The following SEMA4A variants were observed in gnomAD, a reference collection of about 807,000 sequenced individuals.
SEMA4A encodes semaphorin-4A.
Under a neutral mutation model 72.5 loss-of-function variants are expected in SEMA4A, and 52 were observed. The ratio of observed to expected loss-of-function variants is 0.72; its 90% CI spans 0.57 to 0.90. The LOEUF is 0.90. SEMA4A is among the 40% of genes least tolerant of loss of function. The pLI is 0.00. For synonymous variants in SEMA4A, 369 were observed against 393.1 expected (o/e 0.94, Z 0.73); for missense variants, 926 against 959.7 (o/e 0.96, Z 0.46).
upstream of SEMA4A, among the ~76,000 whole-genome samples, chr1:156,151,838 C>G (rs1303609579): frequency 5.7e-5 from 1 of 17,524 alleles, no homozygotes; most frequent in African/African-American, 1.3e-4. Flanking sequence ...CACTTCGTCT[C>G]AAAAAAAAAA....
chr1:156,161,175 C>G (rs1394777558), intron 8 of SEMA4A, 146 bp downstream of exon 8: 1 of 320,984 alleles, frequency 3.1e-6, no homozygotes, highest in Non-Finnish European at 5.3e-6. Context: ...CGGGGGACAG[C>G]GGGGCTGGGC....
upstream of SEMA4A, among the ~76,000 whole-genome samples, chr1:156,152,626 A>T: frequency 6.6e-6 from 1 of 152,028 alleles, no homozygotes; most frequent in East Asian, 1.9e-4. Flanking sequence ...TCTGAGACCA[A>T]CCCCCGGGGA....
At chr1:156,152,551 C>A (rs895891433), upstream of SEMA4A, among the ~76,000 whole-genome samples, 1 of 152,130 alleles carries the variant, frequency 6.6e-6, no homozygotes, top group African/African-American at 2.4e-5. Context: ...TGGCAACCAG[C>A]CTCTGGGAGA....
At chr1:156,153,171 T>C (rs1245681400), upstream of SEMA4A, among the ~76,000 whole-genome samples, 2 of 152,126 alleles carry the variant, frequency 1.3e-5, no homozygotes, top group Non-Finnish European at 2.9e-5. Flanking sequence ...AATACAATTA[T>C]TTTATTTTAT....
Position 156,175,022 on chromosome 1 carries a change from C to T in SEMA4A, c.1435-64C>T, listed in dbSNP as rs191622030. 3.1e-6 allele frequency: 5 copies of T among 1,614,140 alleles called. No homozygotes were observed. In the African/African-American group the frequency reaches 4.0e-5, roughly 13 times the overall value. ...GTTGGGCTGGCTCCCTGGGCCTGCACCAGCGTGCTGGGACTTTACTAGATG... is the reference window on the plus strand; with the variant it reads ...GTTGGGCTGGCTCCCTGGGCCTGCATCAGCGTGCTGGGACTTTACTAGATG... On this transcript the variant is annotated intron_variant, in intron 12 of 14. Coordinates refer to ENST00000368285, the MANE Select transcript of SEMA4A (RefSeq NM_022367.4).
intron 10 of SEMA4A, among the ~76,000 whole-genome samples, chr1:156,164,373 C>T (rs1289640502): frequency 6.6e-6 from 1 of 152,198 alleles, no homozygotes; most frequent in Admixed American, 6.5e-5. Context: ...GAGGATTTAA[C>T]TATGTTCCCC....
At chr1:156,154,470 C>T in intron 1 of SEMA4A, 80 bp from the exon 2 acceptor site, 1 of 1,327,514 alleles carries the variant, frequency 7.5e-7, no homozygotes, top group Non-Finnish European at 1.0e-6. Context: ...CTTCTGCTGC[C>T]TGGGGCTCTC....
chr1:156,170,105 T>C (rs1002894402), intron 10 of SEMA4A, among the ~76,000 whole-genome samples: 1 of 151,064 alleles, frequency 6.6e-6, no homozygotes, highest in Non-Finnish European at 1.5e-5. Flanking sequence ...GGAGGATAAC[T>C]TGAGGCCAGG....
intron 10 of SEMA4A, 104 bp from the exon 11 acceptor site, chr1:156,172,722 G>A: frequency 9.3e-7 from 1 of 1,074,792 alleles, no homozygotes; most frequent in Non-Finnish European, 1.4e-6. Flanking sequence ...CTGAAATGAG[G>A]ACTGCCATGA....
At chr1:156,169,261 G>A (rs952699931) in intron 10 of SEMA4A, among the ~76,000 whole-genome samples, 10 of 152,010 alleles carry the variant, frequency 6.6e-5, no homozygotes, top group Non-Finnish European at 1.5e-4. Flanking sequence ...GCTGGCTTGA[G>A]AAGATTCTTC....
intron 11 of SEMA4A, 44 bp from the exon 12 acceptor site, chr1:156,174,776 CTG>C (rs769619517): frequency 1.2e-6 from 2 of 1,613,772 alleles, no homozygotes; most frequent in Non-Finnish European, 1.7e-6. Context: ...GGGAAGGGAT[CTG>C]TGGATGAGAT....
intron 12 of SEMA4A, 63 bp downstream of exon 12, chr1:156,175,003 C>T (rs558163841): frequency 1.1e-4 from 184 of 1,614,182 alleles, no homozygotes; most frequent in Non-Finnish European, 1.4e-4. Flanking sequence ...GCCTGTTGGG[C>T]TGGCTCCCTG....
intron 11 of SEMA4A, among the ~76,000 whole-genome samples, chr1:156,173,718 C>CT (rs949672073): frequency 3.9e-5 from 6 of 152,092 alleles, no homozygotes; most frequent in African/African-American, 1.4e-4. Context: ...TATTTGAAGG[C>CT]TTTTGTGTTC....
At chr1:156,168,423 C>T (rs973774985) in intron 10 of SEMA4A, among the ~76,000 whole-genome samples, 7 of 151,898 alleles carry the variant, frequency 4.6e-5, no homozygotes, top group African/African-American at 1.5e-4. Flanking sequence ...GGGGTTTCAC[C>T]GTGTTGGCCA....
At chr1:156,161,310 G>GGGGGGGGCCCCGGGCGCC in intron 8 of SEMA4A, 36 bp from the exon 9 acceptor site, 6 of 1,381,108 alleles carry the variant, frequency 4.3e-6, no homozygotes, top group Non-Finnish European at 4.8e-6. Context: ...GGGTCGGGGC[G>GGGGGGGGCCCCGGGCGCC]CCCGGGGCGC....
chr1:156,163,717 T>G (rs1653896030), intron 10 of SEMA4A, among the ~76,000 whole-genome samples: 2 of 74,408 alleles, frequency 2.7e-5, no homozygotes, highest in East Asian at 4.0e-4. Context: ...TGAGACTCAG[T>G]CTCAAAAAAA....
intron 2 of SEMA4A, chr1:156,156,031 A>G: frequency 5.8e-6 from 2 of 342,046 alleles, no homozygotes; most frequent in South Asian, 4.7e-5. Context: ...GTCTGCATAT[A>G]GCTTTGCTGC....
At chr1:156,160,323 A>T (rs1653465294) in intron 6 of SEMA4A, 120 bp from the exon 7 acceptor site, 2 of 806,188 alleles carry the variant, frequency 2.5e-6, no homozygotes, top group African/African-American at 3.4e-5. Context: ...AGGAAGGTGC[A>T]GAACTGATGC....
chr1:156,163,017 A>G lies in SEMA4A; in HGVS notation c.1057A>G (p.Lys353Glu). Residue 353 changes from lysine (K) to glutamate (E), a missense_variant, in exon 10 of 15, where the codon AAA becomes GAA. Physicochemically the swap from Lys to Glu is moderately conservative, Grantham distance 56. Coordinates refer to ENST00000368285, the MANE Select transcript of SEMA4A (RefSeq NM_022367.4). ...GGACATTGAACGTGTCTTTAAGGGG[A>G]AATACAAAGAGTTGAACAAAGAAAC... The part of the protein sequence containing the change: ...LLDIERVFKG[K>E]YKELNKETSR... 6.2e-7 allele frequency: 1 copy of G among 1,614,138 alleles called. No homozygotes were observed. The highest frequency in any genetic ancestry group is 1.1e-5 in the South Asian group (1 of 91,084).
Sources: gnomAD v4.1 joint callset for allele counts (sites outside exome capture counted in the v4.1 genomes callset) on GRCh38, gnomAD v4.1.1 for gene constraint, MANE v1.5 for transcripts, NCBI Gene and HGNC (gene_info 2026-07-23, HGNC 2026-07-21) for gene names.